LSS: variants seen among roughly 807,000 people sequenced by gnomAD.
The protein encoded by LSS is 2,3-epoxysqualene-lanosterol cyclase.
In LSS, 90 loss-of-function variants were observed where a neutral mutation model predicts 110.3. The ratio of observed to expected loss-of-function variants is 0.82; its 90% CI spans 0.69 to 0.97. The LOEUF (loss-of-function observed/expected upper bound fraction) is 0.97. Among genes scored for constraint, LSS ranks in the 50% least tolerant of loss-of-function variants. The probability of loss-of-function intolerance (pLI) is 0.00; values close to 1 mark genes in which losing one functional copy is unlikely to be tolerated. For synonymous variants in LSS, 433 were observed against 400.0 expected (o/e 1.08, Z -0.98); for missense variants, 927 against 990.0 (o/e 0.94, Z 0.85).
intron 14 of LSS, among the ~76,000 whole-genome samples, 156 bp from the exon 15 acceptor site, chr21:46,207,733 G>A (rs1002111036): frequency 2.6e-5 from 4 of 152,208 alleles, no homozygotes; most frequent in African/African-American, 9.6e-5. Flanking sequence ...GCCCCAAGCT[G>A]GGTACATCCA....
chr21:46,208,883 A>G (rs543937479), intron 13 of LSS, among the ~76,000 whole-genome samples: 2 of 152,322 alleles, frequency 1.3e-5, no homozygotes, highest in East Asian at 3.9e-4. Context: ...GAGGCCAGGA[A>G]GACCCAGAAG....
rs902845174 is a variant in LSS at position 46,195,064 on chromosome 21, C to T, written c.1818-403G>A. ...GAGACAGGGCTGGGAGAGAGTCCGGCGGCTGGAGACACGGCTGGGACCGGA... is the reference window on the plus strand; with the variant it reads ...GAGACAGGGCTGGGAGAGAGTCCGGTGGCTGGAGACACGGCTGGGACCGGA... On this transcript the variant is annotated intron_variant, in intron 19 of 21. Coordinates refer to ENST00000397728, the MANE Select transcript of LSS (RefSeq NM_002340.6). Among the ~76,000 whole-genome samples, 28 of 152,270 alleles carry T rather than the reference C, an allele frequency of 1.8e-4. 1 individual carries two copies. The highest frequency in any genetic ancestry group is 1.3e-4 in the Admixed American group (2 of 15,292).
chr21:46,225,487 T>C, intron 3 of LSS: 1 of 439,722 alleles, frequency 2.3e-6, no homozygotes, highest in East Asian at 7.1e-5. Context: ...GAGAAGACTC[T>C]ACTCCTCCAC....
At chr21:46,208,112 TCCACCACAGCAGGACA>T in intron 14 of LSS, 123 bp downstream of exon 14, 2 of 720,130 alleles carry the variant, frequency 2.8e-6, no homozygotes. Flanking sequence ...AGGCCAGGCA[TCCACCACAGCAGGACA>T]CCCAAAAACG....
At position 46,213,202 on chromosome 21, in the gene LSS, C is replaced by A. The variant is rs1283026472; in HGVS notation, c.1110-150G>T. ...CCTGGATGCCACCCCAGCTGGGCTGCTGGGCTCCTGGGGGTGAGGGCCACA... is the reference window on the plus strand; with the variant it reads ...CCTGGATGCCACCCCAGCTGGGCTGATGGGCTCCTGGGGGTGAGGGCCACA... On this transcript the variant is annotated intron_variant, in intron 10 of 21. Coordinates refer to ENST00000397728, the MANE Select transcript of LSS (RefSeq NM_002340.6). The A allele has an allele frequency of 6.9e-6, 5 of 729,894 alleles. No homozygotes were observed. In the East Asian group the frequency reaches 1.1e-4, roughly 16 times the overall value. 45.2% of individuals were successfully genotyped at this position (729,894 alleles called of 1,614,324 possible). A position where few individuals can be genotyped will look rare whatever the true frequency, so the allele number is the denominator to read the frequency against.
At chr21:46,224,240 T>A (rs2080310833) in intron 3 of LSS, among the ~76,000 whole-genome samples, 1 of 152,206 alleles carries the variant, frequency 6.6e-6, no homozygotes, top group Non-Finnish European at 1.5e-5. Flanking sequence ...CCCTGTCCAG[T>A]GGACACGTGA....
Position 46,228,425 on chromosome 21 carries a change from G to A in LSS, c.180+9C>T. ...CCGAGCTCGCTGACGCTCCGCGGAA[G>A]CAACTTACGGTGTCCAGCCCCAGGG... On this transcript the variant is annotated intron_variant, in intron 2 of 21. Transcript: ENST00000397728. 6.2e-7 allele frequency: 1 copy of A among 1,601,068 alleles called. No homozygotes were observed. Among genetic ancestry groups the A allele is most frequent in the Non-Finnish European group, 8.5e-7 (1 of 1,179,254 alleles).
intron 17 of LSS, among the ~76,000 whole-genome samples, chr21:46,204,858 G>GA (rs954067051): frequency 2.0e-5 from 3 of 151,168 alleles, no homozygotes; most frequent in Admixed American, 2.0e-4. Flanking sequence ...ACATTATAAA[G>GA]AAAAAAAAAT....
chr21:46,215,832 A>G (rs1451312177), intron 7 of LSS, 39 bp from the exon 8 acceptor site: 3 of 1,400,550 alleles, frequency 2.1e-6, no homozygotes, highest in Admixed American at 1.8e-5. Flanking sequence ...GCCTGGGAGC[A>G]CCTGGTAGGC....
At chr21:46,227,091 T>C (rs944873123) in intron 3 of LSS, among the ~76,000 whole-genome samples, 3 of 152,190 alleles carry the variant, frequency 2.0e-5, no homozygotes, top group African/African-American at 7.2e-5. Context: ...ATCAGTTCAA[T>C]ACCCAGGCAG....
intron 11 of LSS, among the ~76,000 whole-genome samples, chr21:46,212,332 G>C (rs1382955813): frequency 6.6e-6 from 1 of 152,328 alleles, no homozygotes; most frequent in South Asian, 2.1e-4. Context: ...TTTCCACACT[G>C]AATCAGGTGG....
At chr21:46,202,073 C>T (rs561339781) in intron 17 of LSS, among the ~76,000 whole-genome samples, 8 of 143,490 alleles carry the variant, frequency 5.6e-5, no homozygotes, top group African/African-American at 1.8e-4. Flanking sequence ...GGATTACAGG[C>T]GTCAGCCACT....
chr21:46,211,871 T>C (rs941917430), intron 11 of LSS, among the ~76,000 whole-genome samples: 1 of 152,084 alleles, frequency 6.6e-6, no homozygotes, highest in Non-Finnish European at 1.5e-5. Flanking sequence ...GACCAACAAC[T>C]GAAGGCCTGT....
intron 6 of LSS, 35 bp downstream of exon 6, chr21:46,219,441 C>A: frequency 6.7e-7 from 1 of 1,498,664 alleles, no homozygotes; most frequent in Non-Finnish European, 9.1e-7. Flanking sequence ...GGGACAGCAG[C>A]AGCGACCCAA....
rs762086292 is a variant in LSS, at chr21:46,207,407, C to G, written c.1467+21G>C. ...TGCAGGACACGAGGTATGGACGGGG[C>G]TGCTGGGACCACAGCCTTACCACAG... On this transcript the variant is annotated intron_variant, in intron 15 of 21. Coordinates refer to ENST00000397728, the MANE Select transcript of LSS (RefSeq NM_002340.6). The G allele has an allele frequency of 1.9e-6, 3 of 1,609,484 alleles. No individual in the cohort carries two copies. The African/African-American group carries it at 4.0e-5, about 21-fold the overall frequency.
chr21:46,189,042 C>T lies in LSS; in HGVS notation c.*2062G>A. 3.4e-6 allele frequency: 1 copy of T among 295,830 alleles called. No individual in the cohort carries two copies. Among genetic ancestry groups the T allele is most frequent in the Non-Finnish European group, 6.7e-6 (1 of 149,026 alleles). The allele number at this position is 295,830 out of a possible 1,614,324, so 18.3% of individuals were successfully genotyped here. Reference sequence around the variant, plus strand: ...AAACCAGGCTGGGCCTCCCACTCGCCCCACAGGCAGGTGACGTATGACAGC... The same window carrying T: ...AAACCAGGCTGGGCCTCCCACTCGCTCCACAGGCAGGTGACGTATGACAGC... On this transcript the variant is annotated 3_prime_UTR_variant, in exon 22 of 22. Coordinates refer to ENST00000397728, the MANE Select transcript of LSS (RefSeq NM_002340.6).
intron 11 of LSS, among the ~76,000 whole-genome samples, chr21:46,212,209 A>G (rs1043247013): frequency 1.3e-5 from 2 of 152,194 alleles, no homozygotes; most frequent in African/African-American, 4.8e-5. Context: ...CAGCTGGGTA[A>G]AAGCTCGTGG....
At position 46,191,043 on chromosome 21, in the gene LSS, C is replaced by T. The variant is rs935532678; in HGVS notation, c.*61G>A. The T allele has an allele frequency of 1.6e-5, 25 of 1,598,064 alleles. No homozygotes were observed. In the Admixed American group the frequency reaches 2.4e-4, roughly 15 times the overall value. On this transcript the variant is annotated 3_prime_UTR_variant, in exon 22 of 22. Coordinates refer to ENST00000397728, the MANE Select transcript of LSS (RefSeq NM_002340.6). ...AGGGTTATGGGAGGGCTCCCCAACC[C>T]GGCCAGGACCCCTTGGCCTCACTGG...
At position 46,189,327 on chromosome 21, in the gene LSS, C is replaced by G. The variant is rs187080789; in HGVS notation, c.*1777G>C. 1 of 275,890 alleles carries G rather than the reference C, an allele frequency of 3.6e-6. No individual in the cohort carries two copies. 17.1% of individuals were successfully genotyped at this position (275,890 alleles called of 1,614,324 possible). A position where few individuals can be genotyped will look rare whatever the true frequency, so the allele number is the denominator to read the frequency against. On this transcript the variant is annotated 3_prime_UTR_variant, in exon 22 of 22. Coordinates refer to ENST00000397728, the MANE Select transcript of LSS (RefSeq NM_002340.6). ...TTCACTGTCTGTCCTGCTGCTACCC[C>G]ACGTGGGGGAGAACACGTGGGCTGA... is the stretch of plus-strand genomic sequence containing the variant.
Sources: gnomAD v4.1 joint callset for allele counts (sites outside exome capture counted in the v4.1 genomes callset) on GRCh38, gnomAD v4.1.1 for gene constraint, MANE v1.5 for transcripts, NCBI Gene and HGNC (gene_info 2026-07-23, HGNC 2026-07-21) for gene names.